The following FRMD4B variants were observed in gnomAD, a reference collection of about 807,000 sequenced individuals.
FRMD4B encodes the protein FERM domain-containing protein 4B.
A neutral mutation model predicts 141.5 loss-of-function variants in FRMD4B; 74 were observed. The observed-to-expected ratio is 0.52, with a 90% CI of 0.43 to 0.63. The LOEUF (loss-of-function observed/expected upper bound fraction) is 0.63, where lower values mean the gene tolerates loss of function less well. Among genes scored for constraint, FRMD4B ranks in the 30% least tolerant of loss-of-function variants. The pLI, the probability that FRMD4B is intolerant of heterozygous loss-of-function variation, is 0.00. For synonymous variants in FRMD4B, 506 were observed against 467.9 expected (o/e 1.08, Z -1.05); for missense variants, 1,366 against 1,253.4 (o/e 1.09, Z -1.36).
chr3:69,180,454 G>C (rs1263088206), intron 21 of FRMD4B, among the ~76,000 whole-genome samples: 1 of 151,906 alleles, frequency 6.6e-6, no homozygotes, highest in Non-Finnish European at 1.5e-5. Context: ...GCTTACCTGA[G>C]GGTTTATTCT....
intron 1 of FRMD4B, chr3:69,541,249 C>A (rs1310379369): frequency 6.6e-6 from 1 of 152,244 alleles, no homozygotes; most frequent in Admixed American, 6.5e-5. Flanking sequence ...TAGTCGCAGC[C>A]GTCTGGGTAC....
chr3:69,410,718 AATAAATAAATATATATAT>A (rs1559519744), intron 2 of FRMD4B, among the ~76,000 whole-genome samples: 7 of 72,446 alleles, frequency 9.7e-5, no homozygotes, highest in African/African-American at 3.3e-4. Context: ...TAAATAAATA[AATAAATAAATATATATAT>A]ATATATATAT....
chr3:69,285,221 T>G (rs1331499138), intron 5 of FRMD4B, among the ~76,000 whole-genome samples: 1 of 148,046 alleles, frequency 6.8e-6, no homozygotes, highest in African/African-American at 2.5e-5. Context: ...AAAATGGGAT[T>G]AATGGCAGAT....
chr3:69,541,849 C>T (rs191837429), intron 1 of FRMD4B, among the ~76,000 whole-genome samples: 2 of 149,850 alleles, frequency 1.3e-5, no homozygotes, highest in African/African-American at 4.9e-5. Flanking sequence ...TGGGCTTCAT[C>T]AGCTTTTCTC....
At chr3:69,197,106 G>A (rs148422405) in intron 12 of FRMD4B, 68 bp from the exon 13 acceptor site, 44 of 1,324,744 alleles carry the variant, frequency 3.3e-5, no homozygotes, top group Middle Eastern at 1.9e-4. Context: ...TGTACCCTGC[G>A]AGCAGCATTG....
At chr3:69,498,636 A>G (rs972664406) in intron 1 of FRMD4B, among the ~76,000 whole-genome samples, 12 of 152,338 alleles carry the variant, frequency 7.9e-5, no homozygotes, top group African/African-American at 2.9e-4. Flanking sequence ...TACCCATATA[A>G]CTTTCATAGC....
chr3:69,282,444 C>T (rs2093648882), intron 5 of FRMD4B, among the ~76,000 whole-genome samples: 1 of 152,120 alleles, frequency 6.6e-6, no homozygotes, highest in Admixed American at 6.5e-5. Context: ...AATAAATCCA[C>T]CTACGAGTGT....
chr3:69,509,283 T>C (rs1331989008), intron 1 of FRMD4B, among the ~76,000 whole-genome samples: 3 of 152,322 alleles, frequency 2.0e-5, no homozygotes, highest in Middle Eastern at 3.4e-3. Flanking sequence ...TAACTCTACG[T>C]CTTCACTTGA....
chr3:69,189,162 C>T (rs1047899043), intron 18 of FRMD4B, among the ~76,000 whole-genome samples: 1 of 133,662 alleles, frequency 7.5e-6, no homozygotes, highest in African/African-American at 2.9e-5. Context: ...GCAGAGGTTG[C>T]AGTGAGCTGA....
intron 1 of FRMD4B, among the ~76,000 whole-genome samples, chr3:69,434,403 G>T (rs2106843573): frequency 6.6e-6 from 1 of 152,242 alleles, no homozygotes; most frequent in East Asian, 1.9e-4. Flanking sequence ...ACCAAGTCAG[G>T]GAAATAGATA....
chr3:69,318,221 C>T (rs58963252), intron 1 of FRMD4B, among the ~76,000 whole-genome samples: 2,191 of 152,192 alleles, frequency 0.014, 44 homozygotes, highest in African/African-American at 0.05. Flanking sequence ...GCAACCTGCC[C>T]GCCTTGGACT....
chr3:69,447,996 G>T (rs770600044), intron 1 of FRMD4B, among the ~76,000 whole-genome samples: 3 of 150,488 alleles, frequency 2.0e-5, no homozygotes, highest in East Asian at 1.9e-4. Context: ...TATCATAAAT[G>T]CCACTCTCAT....
intron 21 of FRMD4B, among the ~76,000 whole-genome samples, chr3:69,179,979 CAAATGTTAGCAG>C (rs1559686564): frequency 6.6e-6 from 1 of 152,126 alleles, no homozygotes; most frequent in African/African-American, 2.4e-5. Flanking sequence ...AAGTCCTCCA[CAAATGTTAGCAG>C]AGTTAGGGGC....
At chr3:69,318,064 T>C (rs1361134678) in intron 1 of FRMD4B, among the ~76,000 whole-genome samples, 2 of 152,168 alleles carry the variant, frequency 1.3e-5, no homozygotes, top group Non-Finnish European at 2.9e-5. Context: ...TTCGACCTCC[T>C]GGGCTCAAGT....
intron 1 of FRMD4B, among the ~76,000 whole-genome samples, chr3:69,486,945 C>A (rs1272660120): frequency 2.0e-5 from 3 of 152,126 alleles, no homozygotes; most frequent in Non-Finnish European, 4.4e-5. Flanking sequence ...TGCCCCTGCC[C>A]CCAAGGTCTC....
At chr3:69,355,048 A>G (rs974762580) in intron 1 of FRMD4B, among the ~76,000 whole-genome samples, 3 of 152,074 alleles carry the variant, frequency 2.0e-5, no homozygotes, top group African/African-American at 7.2e-5. Context: ...AAGCTGGGCA[A>G]TGATATTCCC....
intron 2 of FRMD4B, among the ~76,000 whole-genome samples, chr3:69,402,757 G>C (rs962104104): frequency 1.3e-5 from 2 of 152,174 alleles, no homozygotes; most frequent in African/African-American, 2.4e-5. Context: ...GAGGGTAGGT[G>C]AGAATTATTG....
intron 19 of FRMD4B, among the ~76,000 whole-genome samples, chr3:69,183,855 T>C (rs1260566790): frequency 1.3e-5 from 2 of 152,092 alleles, no homozygotes; most frequent in Admixed American, 1.3e-4. Flanking sequence ...CTAAGTTCAT[T>C]AGGAAAACTT....
chr3:69,427,584 C>G (rs1010331602), intron 2 of FRMD4B, among the ~76,000 whole-genome samples: 2 of 148,424 alleles, frequency 1.3e-5, no homozygotes, highest in Non-Finnish European at 3.0e-5. Context: ...TGTTTTTACA[C>G]GTAGCCTTCC....
Sources: allele counts gnomAD v4.1 joint callset (sites outside exome capture counted in the v4.1 genomes callset), GRCh38; gene constraint gnomAD v4.1.1; transcripts MANE v1.5; gene names NCBI Gene and HGNC (gene_info 2026-07-23, HGNC 2026-07-21).